Variants in CACNA2D2 observed in about 807,000 individuals in gnomAD.
The protein encoded by CACNA2D2 is calcium voltage-gated channel auxiliary subunit alpha2delta 2, also known as voltage-dependent calcium channel subunit alpha-2/delta-2.
Under a neutral mutation model 166.4 loss-of-function variants are expected in CACNA2D2, and 48 were observed. That is an observed-to-expected ratio of 0.29 (90% CI 0.23 to 0.37). The LOEUF (loss-of-function observed/expected upper bound fraction) is 0.37. Ranked by LOEUF, CACNA2D2 falls within the 10% of genes least tolerant of loss-of-function variation. The pLI is 1.00. For synonymous variants in CACNA2D2, 561 were observed against 573.7 expected (o/e 0.98, Z 0.32); for missense variants, 1,122 against 1,433.0 (o/e 0.78, Z 3.50).
intron 3 of CACNA2D2, among the ~76,000 whole-genome samples, chr3:50,428,510 G>A (rs1707906497): frequency 6.6e-6 from 1 of 152,190 alleles, no homozygotes; most frequent in South Asian, 2.1e-4. Flanking sequence ...TGGGTTAAGT[G>A]GCCATTAGCA....
At chr3:50,442,859 C>A (rs1708664077) in intron 2 of CACNA2D2, among the ~76,000 whole-genome samples, 1 of 152,194 alleles carries the variant, frequency 6.6e-6, no homozygotes, top group Middle Eastern at 3.2e-3. Flanking sequence ...CTGGACAGTT[C>A]CAGCCTCCAG....
In CACNA2D2 at chr3:50,427,866, T is replaced by C. The variant is rs1035785273; in HGVS notation, c.405+6447A>G. Among the ~76,000 whole-genome samples the C allele has an allele frequency of 3.3e-5, 5 of 152,176 alleles. No homozygotes were observed. Among genetic ancestry groups the C allele is most frequent in the African/African-American group, 9.7e-5 (4 of 41,448 alleles). Reference sequence around the variant, plus strand: ...GCCTGGTCCTCCAGGGGCCAACCTGTTTGTCTCACCCTCGTCAGTGAATGC... The same window carrying C: ...GCCTGGTCCTCCAGGGGCCAACCTGCTTGTCTCACCCTCGTCAGTGAATGC... On this transcript the variant is annotated intron_variant, in intron 3 of 37. Transcript: ENST00000424201. The surrounding 1 kb of genome is among the most constrained non-coding windows in gnomAD (Gnocchi z 4.7).
rs763772019 is a variant in CACNA2D2 at position 50,376,143 on chromosome 3, C to A, written c.1672G>T (p.Val558Leu). The A allele has an allele frequency of 2.5e-6, 4 of 1,613,420 alleles. No individual in the cohort carries two copies. In the African/African-American group the frequency reaches 4.0e-5, roughly 16 times the overall value. The change falls in exon 18 of 38, where the codon GTG becomes TTG. Residue 558 changes from valine (V) to leucine (L), a missense_variant. By Grantham distance (32) the Val-to-Leu change is conservative. Around this residue, in one of 2 missense-constraint regions of CACNA2D2, gnomAD observed 840 missense variants for 1,166.8 expected, o/e 0.72. Transcript: ENST00000424201. This position sits in a 1 kb window ranked among gnomAD's most constrained non-coding sequence, Gnocchi z 4.3. Reference sequence around the variant, plus strand: ...GGCTTGAGATTGGGGTGCAGCAACACGTAGCCGTTCAGGTCAATGGCAAAC... The same window carrying A: ...GGCTTGAGATTGGGGTGCAGCAACAAGTAGCCGTTCAGGTCAATGGCAAAC... ...YVFAIDLNGY[V>L]LLHPNLKPQT...
chr3:50,364,469 T>A lies in CACNA2D2; in HGVS notation c.*197A>T, dbSNP rs975411670. 3 of 632,822 alleles carry A rather than the reference T, an allele frequency of 4.7e-6. No homozygotes were observed. Among genetic ancestry groups the A allele is most frequent in the Non-Finnish European group, 2.7e-6 (1 of 374,868 alleles). The allele number at this position is 632,822 out of a possible 1,614,324, so 39.2% of individuals were successfully genotyped here. A position where few individuals can be genotyped will look rare whatever the true frequency, so the allele number is the denominator to read the frequency against. ...GAACAGTTCGGAGGTGAGATGTGATTTGGGTGCCAAACACCTGCGGCGTCC... is the reference window on the plus strand; with the variant it reads ...GAACAGTTCGGAGGTGAGATGTGATATGGGTGCCAAACACCTGCGGCGTCC... On this transcript the variant is annotated 3_prime_UTR_variant, in exon 38 of 38. Transcript: ENST00000424201.
At chr3:50,493,138 C>T (rs1698586581) in intron 1 of CACNA2D2, among the ~76,000 whole-genome samples, 3 of 152,354 alleles carry the variant, frequency 2.0e-5, no homozygotes, top group African/African-American at 4.8e-5. Context: ...CCAACTCCCA[C>T]CCTCAAGCCT....
In CACNA2D2 at chr3:50,427,096, A is replaced by T. The variant is rs938009187; in HGVS notation, c.405+7217T>A. ...CAAGGCTCACGCTGACCCCAGGGAC[A>T]CTTGGGTTTACCGTCCCTTCCGCAG... On this transcript the variant is annotated intron_variant, in intron 3 of 37. Transcript: ENST00000424201. The surrounding 1 kb of genome is among the most constrained non-coding windows in gnomAD (Gnocchi z 4.7). Among the ~76,000 whole-genome samples the T allele has an allele frequency of 3.3e-5, 5 of 152,156 alleles. No individual in the cohort carries two copies. Among genetic ancestry groups the T allele is most frequent in the Non-Finnish European group, 5.9e-5 (4 of 68,016 alleles).
rs551429213 is a variant in CACNA2D2 at position 50,458,648 on chromosome 3, C to T, written c.288+17470G>A. Among the ~76,000 whole-genome samples, 5 of 152,372 alleles carry T rather than the reference C, an allele frequency of 3.3e-5. No individual in the cohort carries two copies. The South Asian group carries it at 6.2e-4, about 19-fold the overall frequency. ...GCCTGGCGAACTTTCTTTCCCCAAA[C>T]TCCCTGGCACGACAGTTAAGGACTA... On this transcript the variant is annotated intron_variant, in intron 2 of 37. Coordinates refer to ENST00000424201, the MANE Select transcript of CACNA2D2 (RefSeq NM_006030.4).
At chr3:50,369,709 G>A (rs1704548231) in intron 23 of CACNA2D2, among the ~76,000 whole-genome samples, 1 of 152,238 alleles carries the variant, frequency 6.6e-6, no homozygotes, top group Non-Finnish European at 1.5e-5. Context: ...GTGTACATGA[G>A]AACGTGTGTG....
chr3:50,400,495 C>T lies in CACNA2D2; in HGVS notation c.406-6327G>A, dbSNP rs1194727945. ...GACTTTGTGGCCCTCACATGATGTG[C>T]TCAGAGCTTTATGGACACAGTCTCA... On this transcript the variant is annotated intron_variant, in intron 3 of 37. Coordinates refer to ENST00000424201, the MANE Select transcript of CACNA2D2 (RefSeq NM_006030.4). 2.0e-5 allele frequency among the ~76,000 whole-genome samples: 3 copies of T among 152,262 alleles called. No homozygotes were observed. The East Asian group carries it at 5.8e-4, about 29-fold the overall frequency.
chr3:50,439,075 C>T (rs995656392), intron 2 of CACNA2D2, among the ~76,000 whole-genome samples: 2 of 152,240 alleles, frequency 1.3e-5, no homozygotes, highest in African/African-American at 4.8e-5. Flanking sequence ...TGGGTCGAAT[C>T]CAAAGCCCTT....
intron 3 of CACNA2D2, among the ~76,000 whole-genome samples, chr3:50,402,198 A>T (rs566032838): frequency 6.6e-6 from 1 of 152,348 alleles, no homozygotes; most frequent in African/African-American, 2.4e-5. Flanking sequence ...ACAGGAGCCA[A>T]ATGTGTCCAG....
chr3:50,417,700 T>G (rs530794215), intron 3 of CACNA2D2, among the ~76,000 whole-genome samples: 4 of 152,274 alleles, frequency 2.6e-5, no homozygotes, highest in Admixed American at 2.6e-4. Context: ...CCTGTGGATG[T>G]GGGGAGGGCA....
chr3:50,455,899 C>T (rs761540349), intron 2 of CACNA2D2, among the ~76,000 whole-genome samples: 1 of 152,202 alleles, frequency 6.6e-6, no homozygotes, highest in South Asian at 2.1e-4. Flanking sequence ...ATGCTCCCCC[C>T]ATTCCTCTCC....
chr3:50,459,753 T>G (rs1709514909), intron 2 of CACNA2D2, among the ~76,000 whole-genome samples: 2 of 152,152 alleles, frequency 1.3e-5, no homozygotes. Context: ...GCCCATGCCC[T>G]CTGACCCCAG....
In CACNA2D2 at chr3:50,476,148, C is replaced by G. The variant is rs920212073; in HGVS notation, c.258G>C (p.Arg86=). ...RLEQEVDGVM[R]IFGGVQQLRE... ...GGAGCTGCTGGACGCCTCCAAAAAT[C>G]CGCATCACGCCGTCGACCTCCTGCT... Residue 86 remains arginine (R), a synonymous_variant, in exon 2 of 38, where the codon CGG becomes CGC. Coordinates refer to ENST00000424201, the MANE Select transcript of CACNA2D2 (RefSeq NM_006030.4). 6 of 1,602,336 alleles carry G rather than the reference C, an allele frequency of 3.7e-6. No individual in the cohort carries two copies. The highest frequency in any genetic ancestry group is 1.7e-5 in the Admixed American group (1 of 59,148).
At chr3:50,381,312 C>T (rs890926898) in intron 6 of CACNA2D2, among the ~76,000 whole-genome samples, 186 bp from the exon 7 acceptor site, 1 of 152,044 alleles carries the variant, frequency 6.6e-6, no homozygotes, top group Non-Finnish European at 1.5e-5. Flanking sequence ...CTTTCTGATC[C>T]TCACCCCTCC....
At chr3:50,434,264 C>G in intron 3 of CACNA2D2, 49 bp downstream of exon 3, 1 of 1,313,310 alleles carries the variant, frequency 7.6e-7, no homozygotes, top group Non-Finnish European at 1.1e-6. Flanking sequence ...GACCTCTCCA[C>G]CTGGCCCTCC....
At chr3:50,445,096 C>T (rs894304187) in intron 2 of CACNA2D2, among the ~76,000 whole-genome samples, 3 of 152,216 alleles carry the variant, frequency 2.0e-5, no homozygotes, top group Admixed American at 6.5e-5. Context: ...TGTGGGTGTC[C>T]ATTCACACCT....
chr3:50,437,631 A>G (rs1708410662), intron 2 of CACNA2D2, among the ~76,000 whole-genome samples: 1 of 152,202 alleles, frequency 6.6e-6, no homozygotes, highest in Admixed American at 6.5e-5. Context: ...TAAGTGACAC[A>G]GCCCAGCAGA....
Sources: allele counts gnomAD v4.1 joint callset (sites outside exome capture counted in the v4.1 genomes callset), GRCh38; gene constraint gnomAD v4.1.1; regional missense constraint gnomAD v4.1.1; non-coding constraint Gnocchi (gnomAD v3.1); transcripts MANE v1.5; gene names NCBI Gene and HGNC (gene_info 2026-07-23, HGNC 2026-07-21).